Variants in GPC5 observed in about 807,000 individuals in gnomAD.
GPC5 encodes glypican 5, also known as glypican-5.
In GPC5, 47 loss-of-function variants were observed where a neutral mutation model predicts 53.9. The ratio of observed to expected loss-of-function variants is 0.87; its 90% CI spans 0.69 to 1.11. The LOEUF (loss-of-function observed/expected upper bound fraction) is 1.11, where lower values mean the gene tolerates loss of function less well. GPC5 is among the 50% of genes most tolerant of loss of function. GPC5 has a pLI of 0.00. For synonymous variants in GPC5, 286 were observed against 263.3 expected, an observed-to-expected ratio of 1.09 and a Z score of -0.84; for missense variants, 748 against 713.1, an observed-to-expected ratio of 1.05 and a Z score of -0.56.
chr13:92,297,813 T>A (rs2043047833), intron 7 of GPC5, among the ~76,000 whole-genome samples: 1 of 151,924 alleles, frequency 6.6e-6, no homozygotes, highest in South Asian at 2.1e-4. Context: ...CTGTGGAAGC[T>A]TTGTTCTTTT....
chr13:92,125,537 C>T (rs191710344), intron 6 of GPC5, among the ~76,000 whole-genome samples: 12 of 151,386 alleles, frequency 7.9e-5, no homozygotes, highest in Non-Finnish European at 1.3e-4. Flanking sequence ...CTACCAATAT[C>T]GGGAGTAGGA....
chr13:92,239,635 A>C (rs1004586275), intron 7 of GPC5, among the ~76,000 whole-genome samples: 2 of 151,996 alleles, frequency 1.3e-5, no homozygotes, highest in African/African-American at 4.8e-5. Flanking sequence ...TATCCAATCA[A>C]GTGAAAACAA....
chr13:92,391,948 C>T (rs752393223), intron 7 of GPC5, among the ~76,000 whole-genome samples: 5 of 152,096 alleles, frequency 3.3e-5, no homozygotes, highest in Non-Finnish European at 5.9e-5. Context: ...CTTATTACCC[C>T]GGCTTTAATG....
At chr13:92,420,759 C>T (rs532506361) in intron 7 of GPC5, among the ~76,000 whole-genome samples, 89 of 152,208 alleles carry the variant, frequency 5.8e-4, no homozygotes, top group Non-Finnish European at 8.7e-4. Flanking sequence ...TCTTTCTGTG[C>T]CTGGCTTGTT....
intron 2 of GPC5, among the ~76,000 whole-genome samples, chr13:91,539,769 G>C (rs538514402): frequency 4.9e-4 from 75 of 152,060 alleles, no homozygotes; most frequent in African/African-American, 1.7e-3. Context: ...AATCCATAAT[G>C]CATATCTAAT....
At chr13:92,065,063 T>C (rs1450058263) in intron 6 of GPC5, among the ~76,000 whole-genome samples, 1 of 152,156 alleles carries the variant, frequency 6.6e-6, no homozygotes, top group Non-Finnish European at 1.5e-5. Flanking sequence ...CAGATCAGTG[T>C]TCTTAAAAAT....
chr13:91,792,473 T>C (rs374985797), intron 5 of GPC5, among the ~76,000 whole-genome samples: 6 of 152,218 alleles, frequency 3.9e-5, no homozygotes, highest in African/African-American at 1.4e-4. Context: ...ATTCTACTGA[T>C]AGGGCATTCA....
rs201445632 is a variant in GPC5 at position 92,866,445 on chromosome 13, C to G, written c.*6C>G. ...TACTTCCCGGGATTTGGTAACTGAA[C>G]TCTTCTGTCCTGACATACCTTACTG... On this transcript the variant is annotated 3_prime_UTR_variant, in exon 8 of 8. Coordinates refer to ENST00000377067, the MANE Select transcript of GPC5 (RefSeq NM_004466.6). 3.1e-6 allele frequency: 5 copies of G among 1,593,360 alleles called. No individual in the cohort carries two copies. The South Asian group carries it at 5.7e-5, about 18-fold the overall frequency.
intron 2 of GPC5, among the ~76,000 whole-genome samples, chr13:91,506,835 C>A (rs1425871480): frequency 2.0e-5 from 3 of 151,940 alleles, no homozygotes; most frequent in East Asian, 3.9e-4. Flanking sequence ...AGTTTTCCTG[C>A]TTAATAATTT....
intron 2 of GPC5, among the ~76,000 whole-genome samples, chr13:91,558,956 ATAGT>A (rs2031107268): frequency 6.6e-6 from 1 of 151,958 alleles, no homozygotes; most frequent in Non-Finnish European, 1.5e-5. Flanking sequence ...TTTCATATTA[ATAGT>A]TAATTTCTTG....
intron 4 of GPC5, among the ~76,000 whole-genome samples, chr13:91,738,953 T>C (rs2036871709): frequency 6.6e-6 from 1 of 151,498 alleles, no homozygotes; most frequent in Admixed American, 6.6e-5. Flanking sequence ...TCCAGTTTCA[T>C]GTGTTTATCT....
At position 92,331,127 on chromosome 13, in the gene GPC5, T is replaced by A. The variant is rs1477954819; in HGVS notation, c.1561+186138T>A. On this transcript the variant is annotated intron_variant, in intron 7 of 7. Transcript: ENST00000377067. ...TACATGTCGAATCTCTAATTACCTG[T>A]GTATTATCTCTGCTCAGTCTTGAGT... is the stretch of plus-strand genomic sequence containing the variant. 2.6e-5 allele frequency among the ~76,000 whole-genome samples: 4 copies of A among 152,174 alleles called. No homozygotes were observed. The South Asian group carries it at 8.3e-4, about 31-fold the overall frequency.
intron 7 of GPC5, among the ~76,000 whole-genome samples, chr13:92,209,854 G>T (rs2042362727): frequency 6.6e-6 from 1 of 152,070 alleles, no homozygotes; most frequent in Admixed American, 6.5e-5. Flanking sequence ...ACAAGGTGAG[G>T]TCCCACAATA....
chr13:91,568,195 G>A (rs929616457), intron 2 of GPC5, among the ~76,000 whole-genome samples: 1 of 152,152 alleles, frequency 6.6e-6, no homozygotes, highest in Non-Finnish European at 1.5e-5. Flanking sequence ...AGCACTGTGA[G>A]AATGGACTAA....
intron 7 of GPC5, among the ~76,000 whole-genome samples, chr13:92,528,564 T>G (rs967871657): frequency 1.3e-5 from 2 of 151,952 alleles, no homozygotes; most frequent in African/African-American, 4.8e-5. Flanking sequence ...CTATCAAAAT[T>G]TAAGTGATTT....
At chr13:91,714,381 A>C (rs1193821052) in intron 3 of GPC5, among the ~76,000 whole-genome samples, 1 of 152,166 alleles carries the variant, frequency 6.6e-6, no homozygotes, top group African/African-American at 2.4e-5. Context: ...ACACACACAC[A>C]CCGTGGAAGA....
intron 7 of GPC5, among the ~76,000 whole-genome samples, chr13:92,477,135 TC>T (rs1879181588): frequency 6.6e-6 from 1 of 152,002 alleles, no homozygotes; most frequent in African/African-American, 2.4e-5. Flanking sequence ...AATGAGCAAA[TC>T]CTATTGTGTG....
At chr13:91,997,014 A>G (rs2138745841) in intron 6 of GPC5, among the ~76,000 whole-genome samples, 1 of 152,160 alleles carries the variant, frequency 6.6e-6, no homozygotes, top group African/African-American at 2.4e-5. Flanking sequence ...TCTATTATTA[A>G]TATCCTTTAT....
At chr13:92,659,348 GGTTT>G (rs1354150883) in intron 7 of GPC5, 2 of 150,824 alleles carry the variant, frequency 1.3e-5, no homozygotes, top group Non-Finnish European at 2.9e-5. Flanking sequence ...ACAGACATCG[GGTTT>G]GCAAATATTT....
Sources: gnomAD v4.1 joint callset for allele counts (sites outside exome capture counted in the v4.1 genomes callset) on GRCh38, gnomAD v4.1.1 for gene constraint, MANE v1.5 for transcripts, NCBI Gene and HGNC (gene_info 2026-07-23, HGNC 2026-07-21) for gene names.